Variants in GOLM2 observed in about 807,000 individuals in gnomAD.
The protein encoded by GOLM2 is protein GOLM2.
GOLM2 carries 26 observed loss-of-function variants against 55.9 expected under a neutral mutation model. The observed-to-expected ratio is 0.47, with a 90% CI of 0.34 to 0.65. The LOEUF is 0.65. GOLM2 is among the 30% of genes least tolerant of loss of function. GOLM2 has a pLI of 0.01. For missense variants in GOLM2, 486 were observed against 531.8 expected (o/e 0.91, Z 0.85); for synonymous variants, 165 against 194.6 (o/e 0.85, Z 1.27).
rs1338589902 is a variant in GOLM2, at chr15:44,379,748, T to A, written c.861T>A (p.His287Gln). ...SQHESHQAIS[H>Q]LPTGQPLSPN... ...ATGAAAGTCATCAAGCAATCTCCCA[T>A]CTTCCAACTGGACAACCTCTCTCCC... The change falls in exon 7 of 10, where the codon CAT becomes CAA. Residue 287 changes from histidine to glutamine, a missense_variant. By Grantham distance (24) the His-to-Gln change is conservative (BLOSUM62 0). Transcript: ENST00000299957. 6.3e-7 allele frequency: 1 copy of A among 1,595,066 alleles called. No individual in the cohort carries two copies. Among genetic ancestry groups the A allele is most frequent in the Non-Finnish European group, 8.6e-7 (1 of 1,167,402 alleles).
At chr15:44,342,487 A>C (rs1434319657) in intron 6 of GOLM2, among the ~76,000 whole-genome samples, 2 of 152,048 alleles carry the variant, frequency 1.3e-5, no homozygotes, top group African/African-American at 4.8e-5. Flanking sequence ...GGCTGGTCTC[A>C]AACTCCTAGG....
Position 44,328,464 on chromosome 15 carries a change from C to G in GOLM2, c.383-221C>G, listed in dbSNP as rs139614500. ...CTGCACTCTAACCTGAGTGACAGAG[C>G]AAGACCCTATCTCAAATAAATAAAT... On this transcript the variant is annotated intron_variant, in intron 2 of 9. Coordinates refer to ENST00000299957, the MANE Select transcript of GOLM2 (RefSeq NM_138423.4). 1.1e-3 allele frequency among the ~76,000 whole-genome samples: 163 copies of G among 152,242 alleles called. 1 individual carries two copies. The highest frequency in any genetic ancestry group is 3.7e-3 in the African/African-American group (152 of 41,566).
At chr15:44,356,089 G>C (rs2079196376) in intron 6 of GOLM2, among the ~76,000 whole-genome samples, 1 of 151,938 alleles carries the variant, frequency 6.6e-6, no homozygotes, top group Non-Finnish European at 1.5e-5. Context: ...GTCATGCTTA[G>C]AGGGAAATGT....
intron 6 of GOLM2, among the ~76,000 whole-genome samples, chr15:44,375,902 T>G (rs1349311920): frequency 6.6e-6 from 1 of 152,174 alleles, no homozygotes; most frequent in Admixed American, 6.5e-5. Flanking sequence ...ATGTAGCCAC[T>G]AAAAAGGATG....
chr15:44,395,677 T>C (rs1236962140), intron 8 of GOLM2, among the ~76,000 whole-genome samples: 1 of 151,630 alleles, frequency 6.6e-6, no homozygotes, highest in Non-Finnish European at 1.5e-5. Context: ...CCGTCTCTCC[T>C]AAAAATGCAA....
chr15:44,316,022 A>T (rs1177323973), intron 1 of GOLM2, among the ~76,000 whole-genome samples: 2 of 152,180 alleles, frequency 1.3e-5, no homozygotes, highest in Non-Finnish European at 2.9e-5. Context: ...CAGGAAGTTT[A>T]TGTGCTGTTA....
intron 1 of GOLM2, among the ~76,000 whole-genome samples, chr15:44,319,981 A>G (rs528048873): frequency 1.1e-4 from 17 of 152,362 alleles, no homozygotes; most frequent in Admixed American, 2.0e-4. Flanking sequence ...GCATTTTACT[A>G]TATCTAAAAT....
At chr15:44,375,437 T>G (rs1049169771) in intron 6 of GOLM2, among the ~76,000 whole-genome samples, 32 of 152,308 alleles carry the variant, frequency 2.1e-4, no homozygotes, top group Non-Finnish European at 4.1e-4. Flanking sequence ...TTTCTTAATT[T>G]GTTTGAGAAG....
chr15:44,343,764 CA>C (rs2079104011), intron 6 of GOLM2, among the ~76,000 whole-genome samples: 1 of 146,890 alleles, frequency 6.8e-6, no homozygotes, highest in Non-Finnish European at 1.5e-5. Context: ...GGCAGAGCTG[CA>C]GTGAACTGAG....
chr15:44,293,708 C>T (rs577789961), intron 1 of GOLM2, among the ~76,000 whole-genome samples: 75 of 152,262 alleles, frequency 4.9e-4, no homozygotes, highest in African/African-American at 1.7e-3. Context: ...AATGATTTAT[C>T]ACTACTTATG....
At chr15:44,351,613 GAAC>G (rs2079165305) in intron 6 of GOLM2, among the ~76,000 whole-genome samples, 1 of 111,284 alleles carries the variant, frequency 9.0e-6, no homozygotes, top group Admixed American at 8.7e-5. Context: ...GACAAACAAA[GAAC>G]ATCAAAATCG....
At chr15:44,322,458 G>T (rs1272716598) in intron 1 of GOLM2, among the ~76,000 whole-genome samples, 1 of 152,208 alleles carries the variant, frequency 6.6e-6, no homozygotes. Flanking sequence ...GTAGACAAGA[G>T]ATGTATTTTT....
chr15:44,289,401 C>T lies in GOLM2; in HGVS notation c.327+45C>T. 6.5e-7 allele frequency: 1 copy of T among 1,529,964 alleles called. No homozygotes were observed. Among genetic ancestry groups the T allele is most frequent in the East Asian group, 2.3e-5 (1 of 42,562 alleles). The allele number at this position is 1,529,964 out of a possible 1,614,324, so 94.8% of individuals were successfully genotyped here. On this transcript the variant is annotated intron_variant, in intron 1 of 9. Transcript: ENST00000299957. This position sits in a 1 kb window ranked among gnomAD's most constrained non-coding sequence, Gnocchi z 4.8. ...CTTCAAACCCCATGGTTTCTTTTCT[C>T]CCCGGGGTCTGGGGCGGGATGTTAA...
chr15:44,414,148 C>T lies in GOLM2; in HGVS notation c.*742C>T, dbSNP rs531537025. 2.0e-5 allele frequency: 3 copies of T among 152,316 alleles called. No homozygotes were observed. The highest frequency in any genetic ancestry group is 1.3e-4 in the Admixed American group (2 of 15,270). 9.4% of individuals were successfully genotyped at this position (152,316 alleles called of 1,614,324 possible). ...ACTGCGCCCAGTCTACACACTAATT[C>T]TTGTTAGCCCAACAGCTGTTCTGTT... is the stretch of plus-strand genomic sequence containing the variant. On this transcript the variant is annotated 3_prime_UTR_variant, in exon 10 of 10. Coordinates refer to ENST00000299957, the MANE Select transcript of GOLM2 (RefSeq NM_138423.4).
Position 44,413,555 on chromosome 15 carries a change from TA to T in GOLM2, c.*150del. On this transcript the variant is annotated 3_prime_UTR_variant, in exon 10 of 10. Transcript: ENST00000299957. ...AAGGAAAAACTTTAATGAAGGAATG[TA>T]CCCATGTACATATGTGAACTTTTTC... The T allele has an allele frequency of 1.7e-6, 1 of 582,350 alleles. No individual in the cohort carries two copies. The highest frequency in any genetic ancestry group is 3.0e-6 in the Non-Finnish European group (1 of 328,066). The allele number at this position is 582,350 out of a possible 1,614,324, so 36.1% of individuals were successfully genotyped here.
chr15:44,383,675 CTTTTTTTT>C (rs761209421), intron 8 of GOLM2, among the ~76,000 whole-genome samples: 2 of 125,904 alleles, frequency 1.6e-5, no homozygotes, highest in African/African-American at 3.0e-5. Context: ...TTCTTTTTTT[CTTTTTTTT>C]TTTTTTTTTT....
intron 9 of GOLM2, among the ~76,000 whole-genome samples, chr15:44,405,093 C>T (rs1216932670): frequency 6.6e-6 from 1 of 152,110 alleles, no homozygotes. Flanking sequence ...GATTTATTTT[C>T]AGTGCCTTCT....
chr15:44,351,576 CAAAAAAAAA>C (rs1175016633), intron 6 of GOLM2, among the ~76,000 whole-genome samples: 1 of 45,904 alleles, frequency 2.2e-5, no homozygotes, highest in African/African-American at 8.3e-5. Flanking sequence ...GACTCTGTCT[CAAAAAAAAA>C]AAAAAAAAAA....
chr15:44,410,107 G>A (rs2079627282), intron 9 of GOLM2, among the ~76,000 whole-genome samples: 1 of 151,974 alleles, frequency 6.6e-6, no homozygotes, highest in African/African-American at 2.4e-5. Flanking sequence ...CCTAAGGAGA[G>A]CTTTCTGGAG....
Sources: allele counts gnomAD v4.1 joint callset (sites outside exome capture counted in the v4.1 genomes callset), GRCh38; gene constraint gnomAD v4.1.1; non-coding constraint Gnocchi (gnomAD v3.1); transcripts MANE v1.5; gene names NCBI Gene and HGNC (gene_info 2026-07-23, HGNC 2026-07-21).